Variants in TUBGCP3 observed in about 807,000 individuals in gnomAD.
The protein encoded by TUBGCP3 is tubulin gamma complex component 3.
A neutral mutation model predicts 123.1 loss-of-function variants in TUBGCP3; 50 were observed. That is an observed-to-expected ratio of 0.41 (90% CI 0.32 to 0.51). The LOEUF is 0.51. TUBGCP3 is among the 20% of genes least tolerant of loss of function. TUBGCP3 has a pLI of 0.36. For synonymous variants in TUBGCP3, 405 were observed against 413.9 expected (o/e 0.98, Z 0.26); for missense variants, 882 against 1,127.0 (o/e 0.78, Z 3.11).
chr13:112,506,185 T>C (rs1881294204), intron 17 of TUBGCP3, among the ~76,000 whole-genome samples: 1 of 152,134 alleles, frequency 6.6e-6, no homozygotes, highest in Non-Finnish European at 1.5e-5. Context: ...AATTCATTTG[T>C]TAAAGAGAGG....
chr13:112,523,204 G>C (rs1460351501), intron 13 of TUBGCP3, among the ~76,000 whole-genome samples: 2 of 152,138 alleles, frequency 1.3e-5, no homozygotes, highest in South Asian at 4.1e-4. Context: ...TAATACTTAA[G>C]CTAGACAATA....
rs1421583430 is a variant in TUBGCP3 at position 112,554,896 on chromosome 13, T to C, written c.831A>G (p.Val277=). 6.2e-7 allele frequency: 1 copy of C among 1,600,362 alleles called. No individual in the cohort carries two copies. The highest frequency in any genetic ancestry group is 2.2e-5 in the East Asian group (1 of 44,824). The change falls in exon 7 of 22, where the codon GTA becomes GTG. Residue 277 remains valine, a synonymous_variant. Coordinates refer to ENST00000261965, the MANE Select transcript of TUBGCP3 (RefSeq NM_006322.6). ...TTTTATGTTACTGTACCTTTCCTTCTACTTTGTAACAATTTTCAGTGTTGT... is the reference window on the plus strand; with the variant it reads ...TTTTATGTTACTGTACCTTTCCTTCCACTTTGTAACAATTTTCAGTGTTGT... ...KMNNTENCYK[V]EGKANLSRSL...
At chr13:112,496,174 T>TA (rs930141427) in intron 20 of TUBGCP3, among the ~76,000 whole-genome samples, 2 of 152,100 alleles carry the variant, frequency 1.3e-5, no homozygotes, top group African/African-American at 4.8e-5. Context: ...GATATATTGA[T>TA]AAAAAATGAA....
chr13:112,487,079 G>GTC (rs1879733890), intron 21 of TUBGCP3, among the ~76,000 whole-genome samples: 2 of 148,026 alleles, frequency 1.4e-5, no homozygotes, highest in African/African-American at 4.9e-5. Flanking sequence ...GTGTGTGTGT[G>GTC]TGTCTGTGTG....
intron 20 of TUBGCP3, chr13:112,498,748 C>A: frequency 6.6e-7 from 1 of 1,511,950 alleles, no homozygotes; most frequent in Non-Finnish European, 8.8e-7. Context: ...TGTGGAGATT[C>A]CGACGGGTGA....
chr13:112,498,955 A>C (rs117740561), intron 20 of TUBGCP3, 90 bp downstream of exon 20: 26,745 of 1,614,216 alleles, frequency 0.017, 359 homozygotes, highest in East Asian at 0.08. Context: ...CAATTTTGGC[A>C]AGAAAGTTAT....
intron 11 of TUBGCP3, among the ~76,000 whole-genome samples, chr13:112,528,750 T>C (rs2139098008): frequency 6.6e-6 from 1 of 152,366 alleles, no homozygotes; most frequent in Middle Eastern, 3.4e-3. Flanking sequence ...TTATGGTTTC[T>C]GAGTTTCCTG....
intron 1 of TUBGCP3, among the ~76,000 whole-genome samples, chr13:112,586,374 G>A (rs778278580): frequency 6.6e-5 from 10 of 152,140 alleles, no homozygotes; most frequent in African/African-American, 1.7e-4. Context: ...TGGAACCACT[G>A]GTATAAGGAA....
intron 11 of TUBGCP3, among the ~76,000 whole-genome samples, chr13:112,540,513 T>G (rs9604347): frequency 2.0e-4 from 23 of 114,406 alleles, no homozygotes; most frequent in South Asian, 8.3e-4. Context: ...CTGGGAATGA[T>G]GACATCAATG....
At chr13:112,493,619 A>G (rs1465148835) in intron 20 of TUBGCP3, among the ~76,000 whole-genome samples, 1 of 138,940 alleles carries the variant, frequency 7.2e-6, no homozygotes, top group Non-Finnish European at 1.5e-5. Flanking sequence ...TGCTCTGGCT[A>G]TGGGAACAGG....
rs142065989 is a variant in TUBGCP3 at position 112,555,953 on chromosome 13, A to G, written c.721+99T>C. The G allele has an allele frequency of 9.8e-5, 130 of 1,330,802 alleles. No homozygotes were observed. The East Asian group carries it at 2.9e-3, about 30-fold the overall frequency. 82.4% of individuals were successfully genotyped at this position (1,330,802 alleles called of 1,614,324 possible). A position where few individuals can be genotyped will look rare whatever the true frequency, so the allele number is the denominator to read the frequency against. ...CATAAGAACAAGAAGAAACCACTAA[A>G]AGGTTTGAGGTGGGGCTCCTGGGCT... On this transcript the variant is annotated intron_variant, in intron 6 of 21. Coordinates refer to ENST00000261965, the MANE Select transcript of TUBGCP3 (RefSeq NM_006322.6).
intron 1 of TUBGCP3, among the ~76,000 whole-genome samples, chr13:112,570,111 G>T (rs147111525): frequency 6.9e-6 from 1 of 145,438 alleles, no homozygotes; most frequent in Non-Finnish European, 1.5e-5. Flanking sequence ...CCAATCCCAC[G>T]CTGCCAGACA....
chr13:112,577,754 AT>A (rs1200822374), intron 1 of TUBGCP3, among the ~76,000 whole-genome samples: 2 of 152,160 alleles, frequency 1.3e-5, no homozygotes, highest in East Asian at 3.9e-4. Flanking sequence ...AAAATAAAAC[AT>A]TTTTTTAAAA....
At chr13:112,564,664 A>G (rs1329368255) in intron 3 of TUBGCP3, among the ~76,000 whole-genome samples, 1 of 152,218 alleles carries the variant, frequency 6.6e-6, no homozygotes, top group Non-Finnish European at 1.5e-5. Flanking sequence ...GAAAAAAAAA[A>G]GGTTAGAAAA....
At chr13:112,493,029 T>C (rs1337145806) in intron 20 of TUBGCP3, among the ~76,000 whole-genome samples, 2 of 147,930 alleles carry the variant, frequency 1.4e-5, no homozygotes, top group East Asian at 4.1e-4. Flanking sequence ...CGGGGCCTGG[T>C]GTGCCTGAGA....
At chr13:112,496,757 C>T (rs571995793) in intron 20 of TUBGCP3, among the ~76,000 whole-genome samples, 3 of 152,226 alleles carry the variant, frequency 2.0e-5, no homozygotes, top group East Asian at 1.9e-4. Flanking sequence ...GAGGCCGAGG[C>T]GGGCGGATCA....
upstream of TUBGCP3, among the ~76,000 whole-genome samples, chr13:112,592,031 G>C (rs922651922): frequency 6.6e-6 from 1 of 152,184 alleles, no homozygotes; most frequent in African/African-American, 2.4e-5. The surrounding 1 kb of genome is among the most constrained non-coding windows in gnomAD (Gnocchi z 4.1). Context: ...GTCCTGGCTG[G>C]CATGCCACTG....
In TUBGCP3 at chr13:112,485,234, A is replaced by G. The variant is rs1879576084; in HGVS notation, c.*759T>C. The G allele has an allele frequency of 6.6e-6, 1 of 152,650 alleles. No individual in the cohort carries two copies. Among genetic ancestry groups the G allele is most frequent in the Non-Finnish European group, 1.5e-5 (1 of 68,048 alleles). The allele number at this position is 152,650 out of a possible 1,614,324, so 9.5% of individuals were successfully genotyped here. A position where few individuals can be genotyped will look rare whatever the true frequency, so the allele number is the denominator to read the frequency against. Reference sequence around the variant, plus strand: ...TGCTTATCAGGAACTTTGAAAATAAAATACTCCATTAACTTTCTCGTCACT... The same window carrying G: ...TGCTTATCAGGAACTTTGAAAATAAGATACTCCATTAACTTTCTCGTCACT... On this transcript the variant is annotated 3_prime_UTR_variant, in exon 22 of 22. Coordinates refer to ENST00000261965, the MANE Select transcript of TUBGCP3 (RefSeq NM_006322.6).
chr13:112,503,293 T>C (rs1881055362), intron 19 of TUBGCP3, among the ~76,000 whole-genome samples: 1 of 152,208 alleles, frequency 6.6e-6, no homozygotes, highest in African/African-American at 2.4e-5. Context: ...CGTGCAACTT[T>C]CAGAACATGG....
Sources: allele counts gnomAD v4.1 joint callset (sites outside exome capture counted in the v4.1 genomes callset), GRCh38; gene constraint gnomAD v4.1.1; non-coding constraint Gnocchi (gnomAD v3.1); transcripts MANE v1.5; gene names NCBI Gene and HGNC (gene_info 2026-07-23, HGNC 2026-07-21).